FAM168A: variants seen among roughly 807,000 people sequenced by gnomAD.
FAM168A encodes protein FAM168A.
In FAM168A, 3 loss-of-function variants were observed where a neutral mutation model predicts 28.5. The ratio of observed to expected loss-of-function variants is 0.11; its 90% CI spans 0.05 to 0.27. The LOEUF (loss-of-function observed/expected upper bound fraction) is 0.27. Ranked by LOEUF, FAM168A falls within the 10% of genes least tolerant of loss-of-function variation. The pLI, the probability that FAM168A is intolerant of heterozygous loss-of-function variation, is 1.00. For missense variants in FAM168A, 222 were observed against 311.5 expected (o/e 0.71, Z 2.16); for synonymous variants, 122 against 124.2 (o/e 0.98, Z 0.12).
intron 1 of FAM168A, among the ~76,000 whole-genome samples, chr11:73,486,130 T>C (rs1293774209): frequency 6.6e-6 from 1 of 152,252 alleles, no homozygotes; most frequent in Non-Finnish European, 1.5e-5. Context: ...TGACTTAGTT[T>C]AGACAAGCAG....
intron 2 of FAM168A, among the ~76,000 whole-genome samples, chr11:73,435,879 TC>T (rs2134519904): frequency 6.6e-6 from 1 of 152,354 alleles, no homozygotes; most frequent in South Asian, 2.1e-4. Flanking sequence ...TAATGTGATT[TC>T]TCCCATTTTA....
chr11:73,546,962 A>G (rs1182787872), intron 1 of FAM168A, among the ~76,000 whole-genome samples: 2 of 152,032 alleles, frequency 1.3e-5, no homozygotes, highest in Non-Finnish European at 2.9e-5. Flanking sequence ...TAAAATGTGC[A>G]AAGAACTTGA....
chr11:73,453,386 T>G (rs1013908778), intron 2 of FAM168A, among the ~76,000 whole-genome samples: 1 of 152,204 alleles, frequency 6.6e-6, no homozygotes, highest in Non-Finnish European at 1.5e-5. Context: ...TCTGGGAAGC[T>G]GGCCAATTCT....
intron 2 of FAM168A, among the ~76,000 whole-genome samples, 178 bp downstream of exon 2, chr11:73,468,227 G>A (rs1867765185): frequency 6.6e-6 from 1 of 152,154 alleles, no homozygotes; most frequent in South Asian, 2.1e-4. Flanking sequence ...AACAAAGTTG[G>A]GAAACAACCA....
chr11:73,570,660 G>A (rs1037732077), intron 1 of FAM168A, among the ~76,000 whole-genome samples: 14 of 151,158 alleles, frequency 9.3e-5, no homozygotes, highest in African/African-American at 3.2e-4. Flanking sequence ...CTGGAGCCTG[G>A]GAAGCTGAGG....
At chr11:73,430,887 G>A (rs1026726500) in intron 2 of FAM168A, 117 bp from the exon 3 acceptor site, 16 of 762,202 alleles carry the variant, frequency 2.1e-5, no homozygotes, top group Non-Finnish European at 2.9e-5. Context: ...TAGGTTTGGC[G>A]TTCAGTCTCT....
intron 1 of FAM168A, among the ~76,000 whole-genome samples, chr11:73,535,853 A>G (rs1281676603): frequency 6.8e-6 from 1 of 147,886 alleles, no homozygotes; most frequent in African/African-American, 2.6e-5. Context: ...GAGCCACCAC[A>G]TCTGGCCTGC....
At chr11:73,567,593 C>G (rs1221851500) in intron 1 of FAM168A, among the ~76,000 whole-genome samples, 1 of 152,154 alleles carries the variant, frequency 6.6e-6, no homozygotes, top group African/African-American at 2.4e-5. Context: ...CTACCACAAC[C>G]CTCTGCCAAA....
intron 3 of FAM168A, among the ~76,000 whole-genome samples, chr11:73,422,118 A>T (rs971145445): frequency 1.3e-5 from 2 of 152,172 alleles, no homozygotes; most frequent in African/African-American, 4.8e-5. Flanking sequence ...CACCGCACAC[A>T]AGGTACTTAT....
chr11:73,444,817 G>A (rs1867269871), intron 2 of FAM168A, among the ~76,000 whole-genome samples: 1 of 152,102 alleles, frequency 6.6e-6, no homozygotes, highest in Admixed American at 6.5e-5. Flanking sequence ...GAAAAACAAT[G>A]TATGTATGTT....
At chr11:73,543,169 C>T (rs57960575) in intron 1 of FAM168A, among the ~76,000 whole-genome samples, 5,936 of 151,746 alleles carry the variant, frequency 0.039, 399 homozygotes, top group African/African-American at 0.14. Flanking sequence ...ATTGAAAGCA[C>T]GGACTTTATT....
At chr11:73,421,566 CAGG>C (rs1482336965) in intron 3 of FAM168A, among the ~76,000 whole-genome samples, 1 of 152,094 alleles carries the variant, frequency 6.6e-6, no homozygotes, top group African/African-American at 2.4e-5. Context: ...GCAGACAATG[CAGG>C]AGGAGGAGAG....
chr11:73,501,495 CA>C (rs957718161), intron 1 of FAM168A, among the ~76,000 whole-genome samples: 3 of 152,184 alleles, frequency 2.0e-5, no homozygotes, highest in Non-Finnish European at 2.9e-5. Context: ...AACAGTCTCT[CA>C]GACCACAATA....
intron 1 of FAM168A, among the ~76,000 whole-genome samples, chr11:73,507,976 G>A (rs925635440): frequency 6.6e-6 from 1 of 152,092 alleles, no homozygotes; most frequent in Admixed American, 6.6e-5. Flanking sequence ...AATACAATCA[G>A]CTGTTAGGCC....
intron 1 of FAM168A, among the ~76,000 whole-genome samples, chr11:73,592,955 T>A (rs1245996846): frequency 6.6e-6 from 1 of 152,190 alleles, no homozygotes; most frequent in East Asian, 1.9e-4. Flanking sequence ...TTCTAGTTTT[T>A]ATCATGAGCA....
At chr11:73,463,609 G>T (rs1392692628) in intron 2 of FAM168A, among the ~76,000 whole-genome samples, 3 of 152,176 alleles carry the variant, frequency 2.0e-5, no homozygotes, top group Non-Finnish European at 4.4e-5. Flanking sequence ...GAGGCTAAGG[G>T]AGAAACGGAG....
chr11:73,508,055 A>C (rs1207969634), intron 1 of FAM168A, among the ~76,000 whole-genome samples: 3 of 152,316 alleles, frequency 2.0e-5, no homozygotes, highest in East Asian at 1.9e-4. Context: ...ATAGTTACTT[A>C]ACCTCTTTGG....
chr11:73,552,148 C>T (rs946739812), intron 1 of FAM168A, among the ~76,000 whole-genome samples: 1 of 152,256 alleles, frequency 6.6e-6, no homozygotes, highest in Admixed American at 6.5e-5. Flanking sequence ...TCCTAAGAAC[C>T]AAGGATTTGG....
At chr11:73,506,622 T>C (rs1021006944) in intron 1 of FAM168A, among the ~76,000 whole-genome samples, 4 of 152,128 alleles carry the variant, frequency 2.6e-5, no homozygotes, top group Admixed American at 1.3e-4. Flanking sequence ...AGTTCCCCCA[T>C]CCATTAGAAG....
Sources: gnomAD v4.1 joint callset for allele counts (sites outside exome capture counted in the v4.1 genomes callset) on GRCh38, gnomAD v4.1.1 for gene constraint, MANE v1.5 for transcripts, NCBI Gene and HGNC (gene_info 2026-07-23, HGNC 2026-07-21) for gene names.